The following SUPT3H variants were observed in gnomAD, a reference collection of about 807,000 sequenced individuals.
SUPT3H encodes transcription initiation protein SPT3 homolog.
In SUPT3H, 44 loss-of-function variants were observed where a neutral mutation model predicts 44.3. The observed-to-expected ratio is 0.99, with a 90% CI of 0.78 to 1.28. SUPT3H has a LOEUF of 1.28. Among genes scored for constraint, SUPT3H ranks in the 50% most tolerant of loss-of-function variants. The pLI, the probability that SUPT3H is intolerant of heterozygous loss-of-function variation, is 0.00. For synonymous variants in SUPT3H, 124 were observed against 125.6 expected (o/e 0.99, Z 0.09); for missense variants, 380 against 387.1 (o/e 0.98, Z 0.15).
chr6:44,936,182 C>G (rs1771381553), intron 9 of SUPT3H, among the ~76,000 whole-genome samples: 1 of 152,170 alleles, frequency 6.6e-6, no homozygotes, highest in Non-Finnish European at 1.5e-5. Flanking sequence ...ACACACATAG[C>G]TCCTCCAAAG....
At chr6:44,888,586 CA>C (rs1286191451) in intron 10 of SUPT3H, among the ~76,000 whole-genome samples, 1 of 152,154 alleles carries the variant, frequency 6.6e-6, no homozygotes. Flanking sequence ...TAAAAACTCT[CA>C]ATAAATTAGG....
chr6:45,200,792 T>G (rs1031708759), intron 2 of SUPT3H, among the ~76,000 whole-genome samples: 17 of 151,638 alleles, frequency 1.1e-4, no homozygotes, highest in African/African-American at 4.1e-4. Context: ...ACTGTGGTAT[T>G]CACTGACATA....
At chr6:45,288,015 C>G (rs1242399492) in intron 2 of SUPT3H, among the ~76,000 whole-genome samples, 1 of 152,106 alleles carries the variant, frequency 6.6e-6, no homozygotes, top group Admixed American at 6.5e-5. Context: ...TCCAGGTTAA[C>G]GTGACAGCCA....
chr6:45,131,387 C>T (rs943233020), intron 2 of SUPT3H, among the ~76,000 whole-genome samples: 34 of 152,114 alleles, frequency 2.2e-4, no homozygotes, highest in African/African-American at 2.4e-4. Flanking sequence ...ATCCAGGATA[C>T]GGCATAACTT....
chr6:44,899,538 T>A (rs1021270086), intron 10 of SUPT3H, among the ~76,000 whole-genome samples: 1 of 151,854 alleles, frequency 6.6e-6, no homozygotes, highest in Admixed American at 6.6e-5. Context: ...ATACAAAAAA[T>A]TAGCCAGGTG....
At chr6:45,014,582 AAGAATT>A (rs1405034878) in intron 5 of SUPT3H, among the ~76,000 whole-genome samples, 2 of 152,164 alleles carry the variant, frequency 1.3e-5, no homozygotes, top group Admixed American at 6.6e-5. Context: ...ACTATTTTTC[AAGAATT>A]AGAATCTATG....
Position 45,233,011 on chromosome 6 carries a change from A to T in SUPT3H, c.102-127005T>A, listed in dbSNP as rs191660832. ...AACTCTTACGGGGGGAAGAGATCATACTCTCTGTGTGCTAGGCCGAGCACA... is the reference window on the plus strand; with the variant it reads ...AACTCTTACGGGGGGAAGAGATCATTCTCTCTGTGTGCTAGGCCGAGCACA... On this transcript the variant is annotated intron_variant, in intron 2 of 10. Transcript: ENST00000371459. Among the ~76,000 whole-genome samples, 27 of 151,952 alleles carry T rather than the reference A, an allele frequency of 1.8e-4. No homozygotes were observed. In the East Asian group the frequency reaches 4.8e-3, roughly 27 times the overall value.
intron 2 of SUPT3H, among the ~76,000 whole-genome samples, chr6:45,176,869 G>C (rs1812027075): frequency 6.6e-6 from 1 of 151,638 alleles, no homozygotes; most frequent in Non-Finnish European, 1.5e-5. Flanking sequence ...CTGTCTGTTA[G>C]AAGGAAAACT....
chr6:44,852,502 G>A (rs1681489535), intron 10 of SUPT3H, among the ~76,000 whole-genome samples: 1 of 152,086 alleles, frequency 6.6e-6, no homozygotes. Context: ...TTCATCCTTT[G>A]AAAAATTAAG....
At chr6:44,854,526 G>A (rs1245083391) in intron 10 of SUPT3H, among the ~76,000 whole-genome samples, 1 of 152,088 alleles carries the variant, frequency 6.6e-6, no homozygotes. Context: ...CAATGTTACT[G>A]AACAGCTTCT....
At chr6:45,112,943 T>C (rs1326519507) in intron 2 of SUPT3H, among the ~76,000 whole-genome samples, 1 of 150,928 alleles carries the variant, frequency 6.6e-6, no homozygotes, top group Non-Finnish European at 1.5e-5. Context: ...GTAATTGCTG[T>C]GGTCTTGGGA....
chr6:45,062,867 G>C (rs533545263), intron 3 of SUPT3H, among the ~76,000 whole-genome samples: 2 of 152,052 alleles, frequency 1.3e-5, no homozygotes, highest in African/African-American at 2.4e-5. Flanking sequence ...ACTGCAAGGC[G>C]GCAGCGAGGC....
At chr6:45,118,381 T>A (rs1801132335) in intron 2 of SUPT3H, among the ~76,000 whole-genome samples, 1 of 152,144 alleles carries the variant, frequency 6.6e-6, no homozygotes, top group Admixed American at 6.5e-5. Context: ...AGGCAATTAA[T>A]TATTTATAAT....
chr6:45,192,032 A>G (rs1370634790), intron 2 of SUPT3H, among the ~76,000 whole-genome samples: 2 of 152,268 alleles, frequency 1.3e-5, no homozygotes, highest in Non-Finnish European at 2.9e-5. Flanking sequence ...AGAAACTGCT[A>G]TGTCGAAAAG....
chr6:45,063,006 C>A (rs1237426215), intron 3 of SUPT3H, among the ~76,000 whole-genome samples: 2 of 151,500 alleles, frequency 1.3e-5, no homozygotes, highest in South Asian at 2.1e-4. Flanking sequence ...CCTCTGGGGG[C>A]AGGGCACAGA....
intron 3 of SUPT3H, among the ~76,000 whole-genome samples, chr6:45,046,447 C>T (rs577786902): frequency 3.6e-4 from 55 of 152,296 alleles, no homozygotes; most frequent in Admixed American, 9.8e-4. Flanking sequence ...AATCTCACCT[C>T]AGCCTTCCAA....
chr6:45,368,688 G>C (rs1038820557), intron 1 of SUPT3H, among the ~76,000 whole-genome samples: 5 of 152,092 alleles, frequency 3.3e-5, no homozygotes, highest in Admixed American at 6.6e-5. Context: ...CTAAAAGAGA[G>C]AAGTTTTAAT....
chr6:44,880,825 A>T (rs999458668), intron 10 of SUPT3H, among the ~76,000 whole-genome samples: 19 of 151,936 alleles, frequency 1.3e-4, no homozygotes, highest in Admixed American at 2.6e-4. Context: ...ATCCAGCCAA[A>T]CTAAGCTTCA....
At chr6:45,355,967 A>G (rs1304224704) in intron 2 of SUPT3H, among the ~76,000 whole-genome samples, 1 of 152,214 alleles carries the variant, frequency 6.6e-6, no homozygotes, top group East Asian at 1.9e-4. Context: ...GAATAGAGAG[A>G]AAGCCATGAA....
Sources: allele counts gnomAD v4.1 joint callset (sites outside exome capture counted in the v4.1 genomes callset), GRCh38; gene constraint gnomAD v4.1.1; transcripts MANE v1.5; gene names NCBI Gene and HGNC (gene_info 2026-07-23, HGNC 2026-07-21).